The following TMEM117 variants were observed in gnomAD, a reference collection of about 807,000 sequenced individuals.
TMEM117 encodes the protein transmembrane protein 117.
A neutral mutation model predicts 52.4 loss-of-function variants in TMEM117; 27 were observed. The observed-to-expected ratio is 0.51, with a 90% CI of 0.38 to 0.71. The LOEUF (loss-of-function observed/expected upper bound fraction) is 0.71, where lower values mean the gene tolerates loss of function less well. Among genes scored for constraint, TMEM117 ranks in the 30% least tolerant of loss-of-function variants. The pLI, the probability that TMEM117 is intolerant of heterozygous loss-of-function variation, is 0.00. For missense variants in TMEM117, 556 were observed against 630.5 expected (o/e 0.88, Z 1.26); for synonymous variants, 215 against 206.3 (o/e 1.04, Z -0.36).
chr12:43,883,942 G>A (rs1034729843), intron 2 of TMEM117, among the ~76,000 whole-genome samples: 1 of 151,914 alleles, frequency 6.6e-6, no homozygotes, highest in African/African-American at 2.4e-5. Flanking sequence ...TATGAGACCA[G>A]CCTTGGCAAC....
At chr12:44,228,452 C>T (rs766054129) in intron 5 of TMEM117, among the ~76,000 whole-genome samples, 1 of 152,102 alleles carries the variant, frequency 6.6e-6, no homozygotes, top group African/African-American at 2.4e-5. Context: ...GATAAAGTAC[C>T]TTCTGTCAGG....
In TMEM117 at chr12:44,072,661, G is replaced by A. The variant is rs1947319923; in HGVS notation, c.411-70864G>A. Among the ~76,000 whole-genome samples the A allele has an allele frequency of 2.6e-5, 4 of 152,342 alleles. No homozygotes were observed. The South Asian group carries it at 8.3e-4, about 32-fold the overall frequency. On this transcript the variant is annotated intron_variant, in intron 3 of 7. Transcript: ENST00000266534. ...ACAAACAACAAACCTCCTGAATACA[G>A]CTTGAATATAACAAATAACCTGAAT...
intron 4 of TMEM117, among the ~76,000 whole-genome samples, chr12:44,153,683 CTAAG>C (rs1174738833): frequency 3.9e-5 from 6 of 151,948 alleles, no homozygotes; most frequent in African/African-American, 1.4e-4. Flanking sequence ...TACTTAAGTG[CTAAG>C]TGTTTTTATG....
chr12:44,342,694 G>A (rs570856840), intron 6 of TMEM117, among the ~76,000 whole-genome samples: 1 of 151,332 alleles, frequency 6.6e-6, no homozygotes, highest in South Asian at 2.1e-4. Flanking sequence ...AAGTTTGCAG[G>A]TTTGGTTACC....
intron 2 of TMEM117, among the ~76,000 whole-genome samples, chr12:43,846,860 C>T (rs1943218459): frequency 6.6e-6 from 1 of 152,186 alleles, no homozygotes; most frequent in Non-Finnish European, 1.5e-5. Flanking sequence ...TACACACACA[C>T]ATACACGTAG....
chr12:44,262,750 C>T (rs1295554436), intron 5 of TMEM117, among the ~76,000 whole-genome samples: 2 of 152,132 alleles, frequency 1.3e-5, no homozygotes, highest in Admixed American at 1.3e-4. Flanking sequence ...CCACGCCCGG[C>T]TAATATTTTT....
chr12:44,365,634 T>C (rs1204622371), intron 6 of TMEM117, among the ~76,000 whole-genome samples: 5 of 152,060 alleles, frequency 3.3e-5, no homozygotes, highest in Non-Finnish European at 7.4e-5. Context: ...TTGCGTGTGG[T>C]TTACAATAGA....
chr12:43,808,064 A>G, the TMEM117 span, among the ~76,000 whole-genome samples: 2 of 152,188 alleles, frequency 1.3e-5, no homozygotes, highest in Non-Finnish European at 2.9e-5. Context: ...CAGAGTTGGG[A>G]AGTCAGCAGG....
At chr12:44,077,538 C>T (rs1277849327) in intron 3 of TMEM117, among the ~76,000 whole-genome samples, 1 of 152,134 alleles carries the variant, frequency 6.6e-6, no homozygotes, top group Non-Finnish European at 1.5e-5. Flanking sequence ...CATCATGTAA[C>T]ATGTCAGCCC....
At chr12:44,080,514 A>G (rs1259145189) in intron 3 of TMEM117, among the ~76,000 whole-genome samples, 3 of 152,164 alleles carry the variant, frequency 2.0e-5, no homozygotes, top group East Asian at 1.9e-4. Flanking sequence ...CAGCCAAACC[A>G]TATCACATGT....
intron 6 of TMEM117, among the ~76,000 whole-genome samples, chr12:44,371,982 G>C (rs1439023381): frequency 6.6e-6 from 1 of 152,076 alleles, no homozygotes; most frequent in African/African-American, 2.4e-5. Flanking sequence ...TTAACTGTTT[G>C]TCATATATGA....
At chr12:44,198,327 TC>T (rs1949447942) in intron 4 of TMEM117, among the ~76,000 whole-genome samples, 1 of 152,208 alleles carries the variant, frequency 6.6e-6, no homozygotes, top group African/African-American at 2.4e-5. Context: ...TGTTTCCATC[TC>T]AGAGTAATTT....
At chr12:44,152,332 TA>T in intron 4 of TMEM117, among the ~76,000 whole-genome samples, 1 of 111,894 alleles carries the variant, frequency 8.9e-6, no homozygotes, top group Non-Finnish European at 1.6e-5. Flanking sequence ...TAAATATATA[TA>T]TTATATATAA....
chr12:44,171,283 G>T (rs2138283969), intron 4 of TMEM117, among the ~76,000 whole-genome samples: 1 of 152,226 alleles, frequency 6.6e-6, no homozygotes, highest in Non-Finnish European at 1.5e-5. Context: ...CCAAAGTGCT[G>T]GGATTACAGG....
At chr12:44,165,205 C>T (rs1347241697) in intron 4 of TMEM117, among the ~76,000 whole-genome samples, 1 of 152,082 alleles carries the variant, frequency 6.6e-6, no homozygotes, top group Non-Finnish European at 1.5e-5. Flanking sequence ...TTTAAAAACT[C>T]ACTGATTGAG....
intron 2 of TMEM117, among the ~76,000 whole-genome samples, chr12:43,884,745 T>C (rs1943960447): frequency 6.6e-6 from 1 of 152,208 alleles, no homozygotes; most frequent in South Asian, 2.1e-4. Flanking sequence ...AAGCTAAGTC[T>C]GCCTTTCTTC....
intron 3 of TMEM117, among the ~76,000 whole-genome samples, chr12:44,017,323 T>A (rs1433769149): frequency 6.9e-6 from 1 of 145,062 alleles, no homozygotes; most frequent in Non-Finnish European, 1.5e-5. Context: ...TTTTCTTTCT[T>A]TCCTTTTTTT....
intron 3 of TMEM117, among the ~76,000 whole-genome samples, chr12:44,117,004 C>G (rs1217872098): frequency 6.6e-6 from 1 of 152,186 alleles, no homozygotes; most frequent in East Asian, 1.9e-4. Flanking sequence ...GGCATCCAAG[C>G]TTAGAATCAT....
intron 3 of TMEM117, among the ~76,000 whole-genome samples, chr12:44,044,768 G>T (rs1448736802): frequency 6.6e-6 from 1 of 152,234 alleles, no homozygotes; most frequent in Non-Finnish European, 1.5e-5. Flanking sequence ...CGTCCCTGAA[G>T]GTCAACAGTG....
Sources: allele counts gnomAD v4.1 joint callset (sites outside exome capture counted in the v4.1 genomes callset), GRCh38; gene constraint gnomAD v4.1.1; transcripts MANE v1.5; gene names NCBI Gene and HGNC (gene_info 2026-07-23, HGNC 2026-07-21).